AFF1: variants seen among roughly 807,000 people sequenced by gnomAD.
AFF1 encodes AF4/FMR2 family member 1.
A neutral mutation model predicts 121.7 loss-of-function variants in AFF1; 48 were observed. The ratio of observed to expected loss-of-function variants is 0.39; its 90% CI spans 0.31 to 0.50. The LOEUF (loss-of-function observed/expected upper bound fraction) is 0.50. Ranked by LOEUF, AFF1 falls within the 20% of genes least tolerant of loss-of-function variation. The probability of loss-of-function intolerance (pLI) is 0.76; values close to 1 mark genes in which losing one functional copy is unlikely to be tolerated. For synonymous variants in AFF1, 613 were observed against 563.0 expected, an observed-to-expected ratio of 1.09 and a Z score of -1.26; for missense variants, 1,523 against 1,511.7, an observed-to-expected ratio of 1.01 and a Z score of -0.12.
rs5860049 is a variant in AFF1, at chr4:86,990,321, TAAAA to T, written c.38+41765_38+41768del. Among the ~76,000 whole-genome samples, 9 of 132,222 alleles carry T rather than the reference TAAAA, an allele frequency of 6.8e-5. No individual in the cohort carries two copies. In the East Asian group the frequency reaches 1.6e-3, roughly 23 times the overall value. 86.7% of individuals were successfully genotyped at this position (132,222 alleles called of 152,430 possible). On this transcript the variant is annotated intron_variant, in intron 2 of 20. Coordinates refer to ENST00000395146, the MANE Select transcript of AFF1 (RefSeq NM_001166693.3). ...AGTATAGTGAGACCTTGTCCCTATT[TAAAA>T]AAAAAAAAAAAAAAGACTGCCTAAC... is the stretch of plus-strand genomic sequence containing the variant.
chr4:87,036,843 C>CCCT, intron 2 of AFF1: 1 of 498,618 alleles, frequency 2.0e-6, no homozygotes. Context: ...CCCATCCCCC[C>CCCT]TTTTTTTGAG....
chr4:86,985,509 A>G (rs77173235), intron 2 of AFF1, among the ~76,000 whole-genome samples: 1 of 141,754 alleles, frequency 7.1e-6, no homozygotes, highest in Non-Finnish European at 1.6e-5. Context: ...CACTGTCTCA[A>G]AAAAAAAAAA....
chr4:87,102,183 T>C (rs1366568491), intron 8 of AFF1, among the ~76,000 whole-genome samples: 1 of 152,250 alleles, frequency 6.6e-6, no homozygotes, highest in Non-Finnish European at 1.5e-5. Context: ...TTGCTTTACC[T>C]GAGCGATTTG....
At chr4:87,119,194 A>AT (rs1488719967) in intron 12 of AFF1, among the ~76,000 whole-genome samples, 1 of 152,118 alleles carries the variant, frequency 6.6e-6, no homozygotes, top group Admixed American at 6.5e-5. Flanking sequence ...AACCAAGCTT[A>AT]TTTTTTTCCA....
At chr4:87,088,523 C>T (rs774211907) in intron 5 of AFF1, among the ~76,000 whole-genome samples, 1 of 152,064 alleles carries the variant, frequency 6.6e-6, no homozygotes, top group Non-Finnish European at 1.5e-5. Flanking sequence ...AAGAATGAGG[C>T]GTTAGAATAC....
At chr4:87,094,825 A>G in intron 7 of AFF1, 90 bp from the exon 8 acceptor site, 1 of 1,262,994 alleles carries the variant, frequency 7.9e-7, no homozygotes, top group Non-Finnish European at 1.1e-6. Context: ...GTGTTTAGGT[A>G]AAAACTGGGG....
chr4:87,126,450 G>A, intron 14 of AFF1, 114 bp downstream of exon 14: 1 of 958,256 alleles, frequency 1.0e-6, no homozygotes, highest in South Asian at 1.6e-5. Context: ...TGCTTTTAAT[G>A]AGGCAACTGT....
At chr4:87,011,996 T>G (rs1416473294) in intron 2 of AFF1, among the ~76,000 whole-genome samples, 1 of 152,208 alleles carries the variant, frequency 6.6e-6, no homozygotes, top group Non-Finnish European at 1.5e-5. Flanking sequence ...GTGCTGCATC[T>G]AAAAATTTTA....
At chr4:86,997,293 T>A (rs1725291097) in intron 2 of AFF1, among the ~76,000 whole-genome samples, 1 of 152,186 alleles carries the variant, frequency 6.6e-6, no homozygotes, top group African/African-American at 2.4e-5. Context: ...ACTTTGGGAC[T>A]CTAGAGTCCC....
intron 8 of AFF1, among the ~76,000 whole-genome samples, chr4:87,104,975 GAAT>G (rs1560628783): frequency 1.3e-5 from 2 of 152,086 alleles, no homozygotes; most frequent in Admixed American, 6.5e-5. Context: ...AGGCAAAAGA[GAAT>G]AATTTATTGT....
intron 2 of AFF1, among the ~76,000 whole-genome samples, chr4:87,003,504 T>A (rs1725878123): frequency 6.6e-6 from 1 of 152,232 alleles, no homozygotes. Context: ...TCTTTTTACC[T>A]TGGCCTCCCA....
Position 87,115,146 on chromosome 4 carries a change from G to C in AFF1, c.2313G>C (p.Lys771Asn). 6.2e-7 allele frequency: 1 copy of C among 1,614,184 alleles called. No individual in the cohort carries two copies. The highest frequency in any genetic ancestry group is 8.5e-7 in the Non-Finnish European group (1 of 1,180,036). The change falls in exon 12 of 21, where the codon AAG becomes AAC. Residue 771 changes from lysine to asparagine, a missense_variant. Lys to Asn is a moderately conservative substitution (Grantham distance 94). This residue lies in a region of AFF1 where 905 missense variants were observed against 842.5 expected (regional missense o/e 1.07). Coordinates refer to ENST00000395146, the MANE Select transcript of AFF1 (RefSeq NM_001166693.3). Reference protein sequence around the residue: ...DTPPPQSLMVKITLDLLSRIP... With the variant: ...DTPPPQSLMVNITLDLLSRIP... ...CTCCCCCACAAAGCTTGATGGTGAA[G>C]ATCACCCTAGACCTGCTCTCTCGGA... is the stretch of plus-strand genomic sequence containing the variant.
At chr4:86,943,504 T>C (rs1361643309) in intron 1 of AFF1, among the ~76,000 whole-genome samples, 1 of 152,222 alleles carries the variant, frequency 6.6e-6, no homozygotes, top group Non-Finnish European at 1.5e-5. Context: ...ATTTTTCTCA[T>C]ATTCTCCTTT....
chr4:86,976,866 C>T (rs1252265389), intron 2 of AFF1, among the ~76,000 whole-genome samples: 2 of 152,204 alleles, frequency 1.3e-5, no homozygotes, highest in African/African-American at 4.8e-5. Flanking sequence ...CTCTTTGTGC[C>T]TCAGTTTCCT....
intron 2 of AFF1, among the ~76,000 whole-genome samples, chr4:86,960,227 C>G (rs537778930): frequency 3.9e-5 from 6 of 152,284 alleles, no homozygotes; most frequent in Admixed American, 1.3e-4. Context: ...GGAGCTGCCG[C>G]TGTTACCCAG....
In AFF1 at chr4:87,070,166, G is replaced by A. The variant is rs562013713; in HGVS notation, c.1060-13954G>A. Among the ~76,000 whole-genome samples, 7 of 152,302 alleles carry A rather than the reference G, an allele frequency of 4.6e-5. No individual in the cohort carries two copies. The East Asian group carries it at 7.7e-4, about 17-fold the overall frequency. On this transcript the variant is annotated intron_variant, in intron 4 of 20. Transcript: ENST00000395146. ...TTACAGGCCTGCGCCACCACACCAC[G>A]CTAATTTTTGTATTTTTAGTAGAAA...
chr4:87,119,625 C>T (rs1305375819), intron 12 of AFF1, among the ~76,000 whole-genome samples: 1 of 152,136 alleles, frequency 6.6e-6, no homozygotes, highest in African/African-American at 2.4e-5. Flanking sequence ...GTGAGCCTTG[C>T]ATTGTTCTAG....
Position 87,126,169 on chromosome 4 carries a change from C to G in AFF1, c.2644C>G (p.Gln882Glu). The change falls in exon 14 of 21, where the codon CAG (glutamine) becomes GAG (glutamate). Residue 882 changes from glutamine (Q) to glutamate (E), a missense_variant. Gln to Glu is a conservative substitution (Grantham distance 29). This residue lies in a region of AFF1 where 905 missense variants were observed against 842.5 expected (regional missense o/e 1.07). Transcript: ENST00000395146. ...CCCGCCACCCGTGTCCTCGTCCTCCCAGAAGCCAGCCAAGCCTGCACTTAA... is the reference window on the plus strand; with the variant it reads ...CCCGCCACCCGTGTCCTCGTCCTCCGAGAAGCCAGCCAAGCCTGCACTTAA... ...LPPPPVSSSSQKPAKPALKRS... is the reference protein window; with the variant it reads ...LPPPPVSSSSEKPAKPALKRS... 1 of 1,614,118 alleles carries G rather than the reference C, an allele frequency of 6.2e-7. No individual in the cohort carries two copies. The highest frequency in any genetic ancestry group is 8.5e-7 in the Non-Finnish European group (1 of 1,180,022).
chr4:87,045,094 G>A (rs372587087), intron 2 of AFF1, among the ~76,000 whole-genome samples: 73 of 152,246 alleles, frequency 4.8e-4, no homozygotes, highest in African/African-American at 1.5e-3. Context: ...TTTGTCAAAG[G>A]AAATAAGAGA....
Sources: gnomAD v4.1 joint callset for allele counts (sites outside exome capture counted in the v4.1 genomes callset) on GRCh38, gnomAD v4.1.1 for gene constraint, gnomAD v4.1.1 regional missense constraint, MANE v1.5 for transcripts, NCBI Gene and HGNC (gene_info 2026-07-23, HGNC 2026-07-21) for gene names.